The following PDE4B variants were observed in gnomAD, a reference collection of about 807,000 sequenced individuals.
PDE4B encodes the protein 3',5'-cyclic-AMP phosphodiesterase 4B.
A neutral mutation model predicts 82.2 loss-of-function variants in PDE4B; 20 were observed. The observed-to-expected ratio is 0.24, with a 90% CI of 0.17 to 0.35. PDE4B has a LOEUF of 0.35. PDE4B is among the 10% of genes least tolerant of loss of function. The pLI is 1.00. For missense variants in PDE4B, 655 were observed against 907.2 expected (o/e 0.72, Z 3.57); for synonymous variants, 320 against 318.9 (o/e 1.00, Z -0.04).
intron 3 of PDE4B, among the ~76,000 whole-genome samples, chr1:65,967,199 AC>A (rs1228185673): frequency 4.6e-5 from 7 of 152,078 alleles, no homozygotes; most frequent in Admixed American, 6.6e-5. Flanking sequence ...AAGAAAAAAA[AC>A]AATCCCATCA....
chr1:65,925,820 G>T (rs1189567190), intron 3 of PDE4B, among the ~76,000 whole-genome samples: 1 of 152,100 alleles, frequency 6.6e-6, no homozygotes, highest in African/African-American at 2.4e-5. Flanking sequence ...CTGGGGCATT[G>T]GTAGATTGAT....
intron 3 of PDE4B, among the ~76,000 whole-genome samples, chr1:66,128,522 G>C (rs1384888076): frequency 2.6e-5 from 4 of 152,144 alleles, no homozygotes; most frequent in Non-Finnish European, 1.5e-5. Flanking sequence ...AGAAGAAACA[G>C]CCTGTTCTAA....
intron 3 of PDE4B, among the ~76,000 whole-genome samples, chr1:65,949,882 A>G (rs1272321661): frequency 2.0e-5 from 3 of 151,946 alleles, no homozygotes; most frequent in Non-Finnish European, 4.4e-5. Context: ...AACTGTGTCG[A>G]TACAGATATC....
chr1:66,236,085 G>C (rs1021181724), intron 3 of PDE4B, among the ~76,000 whole-genome samples: 1 of 151,876 alleles, frequency 6.6e-6, no homozygotes, highest in Non-Finnish European at 1.5e-5. Flanking sequence ...TAAATTTAGC[G>C]GTTCATTATA....
intron 3 of PDE4B, among the ~76,000 whole-genome samples, chr1:66,127,815 T>C (rs1368266581): frequency 1.3e-5 from 2 of 152,178 alleles, no homozygotes; most frequent in Admixed American, 6.5e-5. Flanking sequence ...GTGTTGACTT[T>C]TTCATTATGA....
At chr1:65,933,202 C>G (rs1647933503) in intron 3 of PDE4B, among the ~76,000 whole-genome samples, 1 of 151,830 alleles carries the variant, frequency 6.6e-6, no homozygotes. Flanking sequence ...TTCAAAGTAG[C>G]AACAGAAAAG....
intron 3 of PDE4B, among the ~76,000 whole-genome samples, chr1:65,966,750 G>A (rs1261661604): frequency 4.0e-5 from 6 of 150,912 alleles, no homozygotes; most frequent in East Asian, 1.9e-4. Flanking sequence ...GCCATAATCC[G>A]ATCTTTGACA....
intron 3 of PDE4B, among the ~76,000 whole-genome samples, chr1:66,180,124 C>T (rs1005284440): frequency 1.3e-5 from 2 of 152,098 alleles, no homozygotes; most frequent in African/African-American, 2.4e-5. Context: ...TTCAGGAATT[C>T]GCAGTCAGGT....
At chr1:66,131,568 A>G (rs1314302111) in intron 3 of PDE4B, among the ~76,000 whole-genome samples, 1 of 110,626 alleles carries the variant, frequency 9.0e-6, no homozygotes, top group South Asian at 3.3e-4. Context: ...AACTTTCAAT[A>G]TTTTCAATAT....
chr1:66,061,788 G>A (rs889264677), intron 3 of PDE4B, among the ~76,000 whole-genome samples: 1 of 152,030 alleles, frequency 6.6e-6, no homozygotes, highest in Non-Finnish European at 1.5e-5. Context: ...GAGAGCATTA[G>A]GACAAATACC....
intron 3 of PDE4B, among the ~76,000 whole-genome samples, chr1:65,929,312 A>T (rs545224690): frequency 6.6e-6 from 1 of 152,262 alleles, no homozygotes; most frequent in East Asian, 1.9e-4. Flanking sequence ...ACTACTGGGG[A>T]TGGGGAAGCT....
chr1:65,887,386 TTC>T, intron 1 of PDE4B, among the ~76,000 whole-genome samples: 4 of 89,462 alleles, frequency 4.5e-5, no homozygotes, highest in African/African-American at 4.4e-5. Context: ...CCTTCCTTCC[TTC>T]TTTTCTTTCT....
At chr1:65,861,771 GT>G (rs1317287934) in intron 1 of PDE4B, among the ~76,000 whole-genome samples, 1 of 152,214 alleles carries the variant, frequency 6.6e-6, no homozygotes, top group East Asian at 1.9e-4. Flanking sequence ...CATATCTCTT[GT>G]AAGTTGTATT....
chr1:65,832,263 T>C lies in PDE4B; in HGVS notation c.-71+39015T>C, dbSNP rs555753420. 5.9e-5 allele frequency among the ~76,000 whole-genome samples: 9 copies of C among 152,296 alleles called. No homozygotes were observed. In the South Asian group the frequency reaches 1.7e-3, roughly 28 times the overall value. On this transcript the variant is annotated intron_variant, in intron 1 of 16. Coordinates refer to ENST00000341517, the MANE Select transcript of PDE4B (RefSeq NM_002600.4). ...GTGTTTCCATTGCAGGATGAAACTTTAGAAGACAGAAGATCTGGAAGTTGA... is the reference window on the plus strand; with the variant it reads ...GTGTTTCCATTGCAGGATGAAACTTCAGAAGACAGAAGATCTGGAAGTTGA...
At chr1:65,959,962 G>A (rs1435189636) in intron 3 of PDE4B, among the ~76,000 whole-genome samples, 2 of 152,018 alleles carry the variant, frequency 1.3e-5, no homozygotes, top group African/African-American at 4.8e-5. Flanking sequence ...TCTTCCTCCT[G>A]AGCCTCCTAA....
chr1:65,975,319 G>A (rs1342771829), intron 3 of PDE4B, among the ~76,000 whole-genome samples: 1 of 152,224 alleles, frequency 6.6e-6, no homozygotes, highest in African/African-American at 2.4e-5. Context: ...AAGCAGCAAA[G>A]CATTCAGGAT....
intron 3 of PDE4B, among the ~76,000 whole-genome samples, chr1:66,100,139 C>T (rs1645193269): frequency 6.6e-6 from 1 of 151,226 alleles, no homozygotes; most frequent in African/African-American, 2.4e-5. Flanking sequence ...CTGCAGTCTC[C>T]CCCTCCTGAG....
chr1:65,923,014 C>T (rs1343973096), intron 3 of PDE4B, among the ~76,000 whole-genome samples: 1 of 152,066 alleles, frequency 6.6e-6, no homozygotes, highest in Admixed American at 6.5e-5. Flanking sequence ...CCCCCTCCCC[C>T]ACAAAAATCT....
chr1:65,940,516 G>A (rs1394895957), intron 3 of PDE4B, among the ~76,000 whole-genome samples: 3 of 152,178 alleles, frequency 2.0e-5, no homozygotes, highest in African/African-American at 7.2e-5. Context: ...CAAAGTGGAA[G>A]CAGAGATTAT....
Sources: gnomAD v4.1 joint callset for allele counts (sites outside exome capture counted in the v4.1 genomes callset) on GRCh38, gnomAD v4.1.1 for gene constraint, MANE v1.5 for transcripts, NCBI Gene and HGNC (gene_info 2026-07-23, HGNC 2026-07-21) for gene names.